TSNAX: variants seen among roughly 807,000 people sequenced by gnomAD.
TSNAX encodes the protein translin associated factor X.
A neutral mutation model predicts 33.0 loss-of-function variants in TSNAX; 12 were observed. That is an observed-to-expected ratio of 0.36 (90% CI 0.23 to 0.59). TSNAX has a LOEUF of 0.59. Among genes scored for constraint, TSNAX ranks in the 20% least tolerant of loss-of-function variants. TSNAX has a pLI of 0.74. For missense variants in TSNAX, 267 were observed against 341.3 expected (o/e 0.78, Z 1.72); for synonymous variants, 110 against 117.2 (o/e 0.94, Z 0.40).
At chr1:231,558,591 A>G (rs931040588) in intron 4 of TSNAX, among the ~76,000 whole-genome samples, 2 of 152,158 alleles carry the variant, frequency 1.3e-5, no homozygotes, top group African/African-American at 4.8e-5. Context: ...TGTTTAGCTC[A>G]TAAGAGGCTA....
intron 3 of TSNAX, among the ~76,000 whole-genome samples, 188 bp from the exon 4 acceptor site, chr1:231,542,293 C>CT (rs1263601673): frequency 1.3e-5 from 2 of 152,052 alleles, no homozygotes; most frequent in African/African-American, 2.4e-5. Context: ...TTTTTGTATA[C>CT]TTTTTTCACT....
intron 4 of TSNAX, chr1:231,554,528 A>G (rs1660568337): frequency 6.6e-6 from 1 of 152,222 alleles, no homozygotes; most frequent in African/African-American, 2.4e-5. Flanking sequence ...TGACTGAAAC[A>G]TTTAATTGAA....
chr1:231,541,596 A>ATT (rs1553266685), intron 3 of TSNAX, among the ~76,000 whole-genome samples: 4 of 151,562 alleles, frequency 2.6e-5, no homozygotes, highest in African/African-American at 9.7e-5. Context: ...AATAAGAAAA[A>ATT]TATTTATCCA....
chr1:231,546,436 A>C (rs200192158), intron 4 of TSNAX, among the ~76,000 whole-genome samples: 35 of 152,360 alleles, frequency 2.3e-4, no homozygotes, highest in Non-Finnish European at 3.4e-4. Flanking sequence ...CAAAGCTACT[A>C]TAGCAGTACA....
intron 5 of TSNAX, among the ~76,000 whole-genome samples, chr1:231,564,099 CAAG>C (rs1661282735): frequency 6.6e-6 from 1 of 152,074 alleles, no homozygotes; most frequent in African/African-American, 2.4e-5. Flanking sequence ...TAGGGAAAGA[CAAG>C]AAGCCAGAAA....
At chr1:231,533,718 A>T (rs1390563748) in intron 2 of TSNAX, among the ~76,000 whole-genome samples, 1 of 151,940 alleles carries the variant, frequency 6.6e-6, no homozygotes, top group African/African-American at 2.4e-5. Context: ...AATTTTTAAC[A>T]TTTTGCCACT....
At chr1:231,542,361 TTTGAG>T in intron 3 of TSNAX, 115 bp from the exon 4 acceptor site, 1 of 984,070 alleles carries the variant, frequency 1.0e-6, no homozygotes, top group Non-Finnish European at 1.5e-6. Context: ...TTTGAGTAGT[TTTGAG>T]TTAGAAGTAT....
chr1:231,531,209 C>G (rs1258688123), intron 2 of TSNAX, among the ~76,000 whole-genome samples: 1 of 152,076 alleles, frequency 6.6e-6, no homozygotes, highest in Non-Finnish European at 1.5e-5. Context: ...CTGCCCGTCT[C>G]GGCCTCTCAG....
rs555755907 is a variant in TSNAX at position 231,554,198 on chromosome 1, G to C, written c.368-6930G>C. On this transcript the variant is annotated intron_variant, in intron 4 of 5. Transcript: ENST00000366639. ...CTTTTCCCTATTAAAAAATAAATCAGGACCTCAAATTCTGCCCTTCATCAG... is the reference window on the plus strand; with the variant it reads ...CTTTTCCCTATTAAAAAATAAATCACGACCTCAAATTCTGCCCTTCATCAG... Among the ~76,000 whole-genome samples the C allele has an allele frequency of 1.6e-3, 251 of 152,128 alleles. 1 individual carries two copies. The highest frequency in any genetic ancestry group is 5.8e-3 in the African/African-American group (240 of 41,480).
At chr1:231,560,941 TGA>T (rs562442888) in intron 4 of TSNAX, among the ~76,000 whole-genome samples, 185 bp from the exon 5 acceptor site, 105 of 152,330 alleles carry the variant, frequency 6.9e-4, no homozygotes, top group Middle Eastern at 6.8e-3. Context: ...ATTACAGGCG[TGA>T]GCCACCGCGC....
chr1:231,556,731 C>T (rs1249858544), intron 4 of TSNAX, among the ~76,000 whole-genome samples: 1 of 151,782 alleles, frequency 6.6e-6, no homozygotes, highest in Admixed American at 6.5e-5. Flanking sequence ...GGCACCTTGC[C>T]AGTTGTGTTT....
At chr1:231,533,857 G>A (rs1198022680) in intron 2 of TSNAX, among the ~76,000 whole-genome samples, 1 of 152,168 alleles carries the variant, frequency 6.6e-6, no homozygotes, top group African/African-American at 2.4e-5. Context: ...TTCCTAGGAA[G>A]AAGACTATTC....
chr1:231,556,327 T>C (rs1444524012), intron 4 of TSNAX, among the ~76,000 whole-genome samples: 1 of 152,174 alleles, frequency 6.6e-6, no homozygotes, highest in East Asian at 1.9e-4. Flanking sequence ...TTTTAAAATT[T>C]GGAATATTTT....
At chr1:231,552,460 A>G (rs1660383088) in intron 4 of TSNAX, among the ~76,000 whole-genome samples, 1 of 152,188 alleles carries the variant, frequency 6.6e-6, no homozygotes, top group Non-Finnish European at 1.5e-5. Flanking sequence ...GATTTTTAGC[A>G]GAGTGGCCTG....
chr1:231,531,331 G>A (rs537067364), intron 2 of TSNAX, among the ~76,000 whole-genome samples: 1 of 152,246 alleles, frequency 6.6e-6, no homozygotes, highest in African/African-American at 2.4e-5. Flanking sequence ...TTTCTCTCAA[G>A]CCGACTTGGT....
intron 5 of TSNAX, 55 bp from the exon 6 acceptor site, chr1:231,564,473 G>A (rs202163411): frequency 2.3e-4 from 352 of 1,555,420 alleles, no homozygotes; most frequent in Non-Finnish European, 2.8e-4. Context: ...TTTTCACAGT[G>A]TTCTTTCTTG....
At chr1:231,542,430 T>TC (rs779308711) in intron 3 of TSNAX, 51 bp from the exon 4 acceptor site, 1 of 1,592,454 alleles carries the variant, frequency 6.3e-7, no homozygotes, top group Non-Finnish European at 8.6e-7. Flanking sequence ...TTTTAGTTTT[T>TC]CACTGTTAAA....
chr1:231,528,928 C>G (rs1293621781), intron 1 of TSNAX, 102 bp downstream of exon 1: 5 of 1,470,604 alleles, frequency 3.4e-6, no homozygotes, highest in East Asian at 4.6e-5. Context: ...ATGCCTTCGT[C>G]CCTTGTAGAC....
chr1:231,538,856 C>T lies in TSNAX; in HGVS notation c.236+1529C>T, dbSNP rs146759496. On this transcript the variant is annotated intron_variant, in intron 3 of 5. Coordinates refer to ENST00000366639, the MANE Select transcript of TSNAX (RefSeq NM_005999.3). Reference sequence around the variant, plus strand: ...CTGAGGCAGGAGGATTGATTGAGCCCAGGTGGTCAAGGCTGCAGTGAGCCA... The same window carrying T: ...CTGAGGCAGGAGGATTGATTGAGCCTAGGTGGTCAAGGCTGCAGTGAGCCA... 1.3e-3 allele frequency among the ~76,000 whole-genome samples: 189 copies of T among 150,690 alleles called. 1 individual carries two copies. The highest frequency in any genetic ancestry group is 4.4e-3 in the African/African-American group (179 of 40,934).
Sources: gnomAD v4.1 joint callset for allele counts (sites outside exome capture counted in the v4.1 genomes callset) on GRCh38, gnomAD v4.1.1 for gene constraint, MANE v1.5 for transcripts, NCBI Gene and HGNC (gene_info 2026-07-23, HGNC 2026-07-21) for gene names.